MYO18B: variants seen among roughly 807,000 people sequenced by gnomAD.
MYO18B encodes the protein myosin XVIIIB.
Under a neutral mutation model 273.0 loss-of-function variants are expected in MYO18B, and 204 were observed. The observed-to-expected ratio is 0.75, with a 90% CI of 0.67 to 0.84. The LOEUF is 0.84. Among genes scored for constraint, MYO18B ranks in the 40% least tolerant of loss-of-function variants. The probability of loss-of-function intolerance (pLI) is 0.00; values close to 1 mark genes in which losing one functional copy is unlikely to be tolerated. For missense variants in MYO18B, 3,212 were observed against 3,287.6 expected, an observed-to-expected ratio of 0.98 and a Z score of 0.56; for synonymous variants, 1,330 against 1,305.7, an observed-to-expected ratio of 1.02 and a Z score of -0.40.
intron 1 of MYO18B, among the ~76,000 whole-genome samples, chr22:25,743,832 T>G (rs2085698340): frequency 6.6e-6 from 1 of 152,208 alleles, no homozygotes; most frequent in South Asian, 2.1e-4. Flanking sequence ...TCTGGGATCT[T>G]TCCTAGGATT....
chr22:25,999,267 T>C (rs1002087004), intron 40 of MYO18B, among the ~76,000 whole-genome samples: 2 of 152,190 alleles, frequency 1.3e-5, no homozygotes, highest in Non-Finnish European at 2.9e-5. Context: ...TACTTCCTCC[T>C]TTCCCTTGTC....
intron 5 of MYO18B, among the ~76,000 whole-genome samples, chr22:25,770,655 A>G (rs76843417): frequency 0.014 from 2,115 of 152,262 alleles, 55 homozygotes; most frequent in African/African-American, 0.047. Context: ...ACAGCTGGTA[A>G]AAGCCTAAGG....
At chr22:25,824,504 C>G (rs1458260274) in intron 13 of MYO18B, among the ~76,000 whole-genome samples, 2 of 152,122 alleles carry the variant, frequency 1.3e-5, no homozygotes, top group African/African-American at 4.8e-5. Flanking sequence ...TGCTGGGTCC[C>G]AAGTCTGCAG....
At chr22:26,037,613 C>T in the MYO18B span, among the ~76,000 whole-genome samples, 1 of 152,136 alleles carries the variant, frequency 6.6e-6, no homozygotes, top group Non-Finnish European at 1.5e-5. Flanking sequence ...CAGCACTGAG[C>T]CCTAGGAGGC....
At chr22:25,981,624 A>G (rs904863667) in intron 39 of MYO18B, among the ~76,000 whole-genome samples, 3 of 152,232 alleles carry the variant, frequency 2.0e-5, no homozygotes, top group Non-Finnish European at 2.9e-5. Context: ...ACATGCCTGT[A>G]GTCCCAGGTA....
At chr22:25,962,061 C>T (rs969427230) in intron 39 of MYO18B, among the ~76,000 whole-genome samples, 3 of 152,124 alleles carry the variant, frequency 2.0e-5, no homozygotes, top group East Asian at 1.9e-4. Context: ...CCTGCAGAAC[C>T]GTGAGCCAAG....
chr22:25,968,585 T>A (rs2093004131), intron 39 of MYO18B, among the ~76,000 whole-genome samples: 1 of 151,980 alleles, frequency 6.6e-6, no homozygotes, highest in South Asian at 2.1e-4. Flanking sequence ...GGCTGGGACA[T>A]CCCATAAGTA....
intron 39 of MYO18B, among the ~76,000 whole-genome samples, chr22:25,973,279 T>A (rs762449924): frequency 3.3e-5 from 5 of 152,214 alleles, no homozygotes; most frequent in Non-Finnish European, 7.3e-5. Flanking sequence ...GTGGTGGCTG[T>A]GAATATCAAT....
intron 17 of MYO18B, among the ~76,000 whole-genome samples, chr22:25,839,812 C>T (rs1224536874): frequency 6.6e-6 from 1 of 152,182 alleles, no homozygotes; most frequent in East Asian, 1.9e-4. Context: ...GCTTTGGGCC[C>T]CAGAGCCCTG....
chr22:25,858,875 CA>C (rs2090650026), intron 21 of MYO18B, among the ~76,000 whole-genome samples: 2 of 152,156 alleles, frequency 1.3e-5, no homozygotes, highest in Non-Finnish European at 2.9e-5. Flanking sequence ...GATAGCTTAA[CA>C]GGTTAAGGAT....
At chr22:25,894,769 G>A (rs1466001366) in intron 27 of MYO18B, 2 of 158,410 alleles carry the variant, frequency 1.3e-5, no homozygotes, top group Non-Finnish European at 2.8e-5. Flanking sequence ...GAATCTGCTT[G>A]TAGGGAACTC....
the MYO18B span, among the ~76,000 whole-genome samples, chr22:26,038,979 T>C: frequency 1.3e-5 from 2 of 152,206 alleles, no homozygotes; most frequent in Non-Finnish European, 2.9e-5. Context: ...TAAGCACCCA[T>C]AAATGTGAGC....
In MYO18B at chr22:25,822,060, T is replaced by A. The variant is rs552183875; in HGVS notation, c.2522-1445T>A. On this transcript the variant is annotated intron_variant, in intron 12 of 43. Transcript: ENST00000335473. ...TGGTATGCACAGTCTTCACTGCTAA[T>A]TTTAAATGGCTTTATAATGGTCCAA... Among the ~76,000 whole-genome samples, 217 of 152,354 alleles carry A rather than the reference T, an allele frequency of 1.4e-3. 9 individuals are homozygous for A. In the South Asian group the frequency reaches 0.044, roughly 31 times the overall value.
intron 1 of MYO18B, among the ~76,000 whole-genome samples, chr22:25,753,614 G>A (rs1221389666): frequency 6.6e-6 from 1 of 152,186 alleles, no homozygotes; most frequent in Non-Finnish European, 1.5e-5. Context: ...CTGCGTGTGT[G>A]AGCTGTAACA....
At chr22:25,927,614 A>G (rs940940349) in intron 34 of MYO18B, among the ~76,000 whole-genome samples, 5 of 152,054 alleles carry the variant, frequency 3.3e-5, no homozygotes, top group African/African-American at 9.7e-5. Context: ...GCCTTGTTGT[A>G]TTCTATTACC....
At chr22:25,969,927 T>C (rs2146727832) in intron 39 of MYO18B, among the ~76,000 whole-genome samples, 1 of 152,300 alleles carries the variant, frequency 6.6e-6, no homozygotes, top group East Asian at 1.9e-4. Flanking sequence ...ATCATCATCA[T>C]AATAACCATC....
intron 42 of MYO18B, chr22:26,006,408 T>C (rs1260466762): frequency 7.9e-6 from 2 of 254,372 alleles, no homozygotes; most frequent in South Asian, 7.9e-5. Context: ...TAATGGCCTG[T>C]TGAAAAGTTT....
intron 12 of MYO18B, among the ~76,000 whole-genome samples, chr22:25,803,657 G>A (rs542749455): frequency 6.6e-6 from 1 of 152,234 alleles, no homozygotes; most frequent in Admixed American, 6.5e-5. Context: ...TCTTGAACAG[G>A]TCACTTCCCG....
chr22:25,871,227 T>C (rs929549166), intron 22 of MYO18B, among the ~76,000 whole-genome samples: 6 of 152,192 alleles, frequency 3.9e-5, no homozygotes, highest in African/African-American at 1.4e-4. Context: ...GTGTGAATCT[T>C]CAGTGACTGG....
Sources: gnomAD v4.1 joint callset for allele counts (sites outside exome capture counted in the v4.1 genomes callset) on GRCh38, gnomAD v4.1.1 for gene constraint, MANE v1.5 for transcripts, NCBI Gene and HGNC (gene_info 2026-07-23, HGNC 2026-07-21) for gene names.